GRIP1: variants seen among roughly 807,000 people sequenced by gnomAD.
GRIP1 encodes the protein glutamate receptor interacting protein 1, also known as glutamate receptor-interacting protein 1.
In GRIP1, 45 loss-of-function variants were observed where a neutral mutation model predicts 129.9. That is an observed-to-expected ratio of 0.35 (90% CI 0.27 to 0.44). GRIP1 has a LOEUF of 0.44. GRIP1 is among the 20% of genes least tolerant of loss of function. GRIP1 has a pLI of 1.00. For synonymous variants in GRIP1, 530 were observed against 520.8 expected, an observed-to-expected ratio of 1.02 and a Z score of -0.24; for missense variants, 1,196 against 1,396.8, an observed-to-expected ratio of 0.86 and a Z score of 2.29.
chr12:67,046,763 T>C (rs2043260287), intron 1 of GRIP1, among the ~76,000 whole-genome samples: 1 of 152,210 alleles, frequency 6.6e-6, no homozygotes, highest in Non-Finnish European at 1.5e-5. Context: ...GTATGGAACA[T>C]AATTAAAGTT....
intron 1 of GRIP1, among the ~76,000 whole-genome samples, chr12:66,864,551 A>G (rs2040168565): frequency 1.7e-5 from 1 of 60,062 alleles, no homozygotes. Flanking sequence ...CCTCATTTCT[A>G]TTAAAAATAA....
intron 1 of GRIP1, among the ~76,000 whole-genome samples, chr12:66,831,978 T>C (rs538509701): frequency 6.6e-6 from 1 of 152,320 alleles, no homozygotes; most frequent in African/African-American, 2.4e-5. Context: ...AGTTAGACTT[T>C]CCTCAATCAT....
intron 1 of GRIP1, among the ~76,000 whole-genome samples, chr12:66,620,610 C>T (rs918073348): frequency 6.6e-6 from 1 of 152,148 alleles, no homozygotes; most frequent in African/African-American, 2.4e-5. Context: ...CAGGTAATAG[C>T]TCTCTGAGGA....
At chr12:66,837,216 G>A (rs900735543) in intron 1 of GRIP1, among the ~76,000 whole-genome samples, 1 of 152,130 alleles carries the variant, frequency 6.6e-6, no homozygotes, top group African/African-American at 2.4e-5. Flanking sequence ...ACAGGCCTGC[G>A]GGATGCAAAC....
chr12:66,694,567 C>A (rs912584094), intron 1 of GRIP1, among the ~76,000 whole-genome samples: 1 of 151,990 alleles, frequency 6.6e-6, no homozygotes, highest in Non-Finnish European at 1.5e-5. Flanking sequence ...CTTTCCTTAA[C>A]TATAAATGAA....
At chr12:67,003,773 CTATT>C (rs1432818634) in intron 1 of GRIP1, among the ~76,000 whole-genome samples, 4 of 138,402 alleles carry the variant, frequency 2.9e-5, no homozygotes, top group African/African-American at 1.2e-4. Flanking sequence ...TTTCTCCTAT[CTATT>C]TTTAAATGAA....
chr12:66,351,101 A>G (rs1336058908), intron 24 of GRIP1, among the ~76,000 whole-genome samples: 1 of 152,238 alleles, frequency 6.6e-6, no homozygotes, highest in Non-Finnish European at 1.5e-5. Flanking sequence ...CTCCTAGGAT[A>G]AGACTAATTG....
intron 1 of GRIP1, among the ~76,000 whole-genome samples, chr12:66,988,475 G>A (rs1244137876): frequency 6.6e-6 from 1 of 152,030 alleles, no homozygotes; most frequent in African/African-American, 2.4e-5. Flanking sequence ...TGCCTCCTGG[G>A]CTCAAGTGAT....
chr12:66,354,132 C>G (rs758640740), intron 23 of GRIP1, among the ~76,000 whole-genome samples: 33 of 152,296 alleles, frequency 2.2e-4, no homozygotes, highest in Non-Finnish European at 4.1e-4. Context: ...ACACCTTGCT[C>G]TGCACCTCGG....
intron 1 of GRIP1, among the ~76,000 whole-genome samples, chr12:67,029,480 G>C (rs1015548164): frequency 1.3e-5 from 2 of 151,272 alleles, no homozygotes; most frequent in Admixed American, 6.6e-5. Context: ...TTAGGAGGCT[G>C]AGGTGGGAGG....
intron 14 of GRIP1, among the ~76,000 whole-genome samples, chr12:66,426,469 C>T (rs891598793): frequency 2.6e-5 from 4 of 151,960 alleles, no homozygotes; most frequent in Admixed American, 2.0e-4. Context: ...TAATAGCGTC[C>T]ACTCCCTGCT....
At position 66,901,298 on chromosome 12, in the gene GRIP1, C is replaced by T. The variant is rs559050090; in HGVS notation, c.58+167752G>A. 2.0e-3 allele frequency among the ~76,000 whole-genome samples: 307 copies of T among 152,266 alleles called. 1 individual carries two copies. Among genetic ancestry groups the T allele is most frequent in the Middle Eastern group, 0.01 (3 of 292 alleles). On this transcript the variant is annotated intron_variant, in intron 1 of 1. Transcript: ENST00000643019. ...GATGAGGGGAACAAAATATAAAGCT[C>T]AGTTATTTTAAGCAATAGACAAAAG...
intron 23 of GRIP1, among the ~76,000 whole-genome samples, chr12:66,368,621 C>T (rs2055289737): frequency 6.6e-6 from 1 of 152,160 alleles, no homozygotes. Flanking sequence ...AGGTGTTTTT[C>T]TCATTCCCTA....
rs1313381293 is a variant in GRIP1 at position 66,379,263 on chromosome 12, T to C, written c.2621+17A>G. 3.1e-6 allele frequency: 5 copies of C among 1,612,410 alleles called. No individual in the cohort carries two copies. Among genetic ancestry groups the C allele is most frequent in the African/African-American group, 2.7e-5 (2 of 74,884 alleles). ...TGCAGTCATCTTGGATGAGGCAGCATTGGTTGAAAACCTTACCCACTGGCT... is the reference window on the plus strand; with the variant it reads ...TGCAGTCATCTTGGATGAGGCAGCACTGGTTGAAAACCTTACCCACTGGCT... On this transcript the variant is annotated intron_variant, in intron 20 of 24. Transcript: ENST00000359742.
At chr12:66,722,499 G>A (rs545823342) in intron 1 of GRIP1, among the ~76,000 whole-genome samples, 5 of 152,216 alleles carry the variant, frequency 3.3e-5, no homozygotes. Context: ...ACTAACCACA[G>A]ATCACCATAA....
chr12:66,943,128 CT>C (rs1212026215), intron 1 of GRIP1, among the ~76,000 whole-genome samples: 1 of 152,194 alleles, frequency 6.6e-6, no homozygotes, highest in African/African-American at 2.4e-5. Flanking sequence ...GTCTTCTAAT[CT>C]TATCTAGAAT....
In GRIP1 at chr12:66,968,374, T is replaced by A. The variant is rs1233200633; in HGVS notation, c.58+100676A>T. ...TTCTTGTAGACAATAAGGATTTGCCTACGACTCTAGGTTTCCTATGTTTTA... is the reference window on the plus strand; with the variant it reads ...TTCTTGTAGACAATAAGGATTTGCCAACGACTCTAGGTTTCCTATGTTTTA... On this transcript the variant is annotated intron_variant, in intron 1 of 1. Coordinates refer to the GRIP1 transcript ENST00000643019. Among the ~76,000 whole-genome samples the A allele has an allele frequency of 4.8e-4, 67 of 139,424 alleles. 2 individuals are homozygous for A. In the Admixed American group the frequency reaches 4.8e-3, roughly 10 times the overall value. 91.5% of individuals were successfully genotyped at this position (139,424 alleles called of 152,430 possible). A position where few individuals can be genotyped will look rare whatever the true frequency, so the allele number is the denominator to read the frequency against.
chr12:66,799,629 T>C (rs559580285), intron 1 of GRIP1, among the ~76,000 whole-genome samples: 24 of 152,294 alleles, frequency 1.6e-4, no homozygotes, highest in Non-Finnish European at 1.5e-5. Flanking sequence ...CTCCCTTTGA[T>C]TATGTGTTCA....
intron 1 of GRIP1, among the ~76,000 whole-genome samples, chr12:66,950,082 T>G (rs1218825926): frequency 6.6e-6 from 1 of 152,136 alleles, no homozygotes; most frequent in Non-Finnish European, 1.5e-5. Flanking sequence ...GGCCACTACT[T>G]CCTTTCAATG....
Sources: allele counts gnomAD v4.1 joint callset (sites outside exome capture counted in the v4.1 genomes callset), GRCh38; gene constraint gnomAD v4.1.1; transcripts MANE v1.5; gene names NCBI Gene and HGNC (gene_info 2026-07-23, HGNC 2026-07-21).